The following PIGK variants were observed in gnomAD, a reference collection of about 807,000 sequenced individuals.
PIGK encodes GPI-anchor transamidase.
A neutral mutation model predicts 50.6 loss-of-function variants in PIGK; 42 were observed. That is an observed-to-expected ratio of 0.83 (90% CI 0.65 to 1.07). The LOEUF (loss-of-function observed/expected upper bound fraction) is 1.07, where lower values mean the gene tolerates loss of function less well. Among genes scored for constraint, PIGK ranks in the 50% least tolerant of loss-of-function variants. The pLI is 0.00. For missense variants in PIGK, 448 were observed against 488.7 expected, an observed-to-expected ratio of 0.92 and a Z score of 0.78; for synonymous variants, 151 against 156.0, an observed-to-expected ratio of 0.97 and a Z score of 0.24.
At chr1:77,102,515 G>C (rs1653573348) in intron 10 of PIGK, among the ~76,000 whole-genome samples, 1 of 152,148 alleles carries the variant, frequency 6.6e-6, no homozygotes, top group Admixed American at 6.5e-5. Context: ...TGAAGGTGGA[G>C]GAAAGGGGTC....
chr1:77,211,399 T>C (rs1287829005), intron 1 of PIGK, among the ~76,000 whole-genome samples: 1 of 152,046 alleles, frequency 6.6e-6, no homozygotes, highest in Non-Finnish European at 1.5e-5. Context: ...GGTTGTACTA[T>C]AAAGTTGTAA....
chr1:77,129,082 T>C (rs1654297155), intron 9 of PIGK: 2 of 848,300 alleles, frequency 2.4e-6, no homozygotes, highest in African/African-American at 1.7e-5. Flanking sequence ...TATCTAGCTC[T>C]TTCCCTAAGC....
Position 77,124,957 on chromosome 1 carries a change from T to TG in PIGK, c.987-2599dup, listed in dbSNP as rs148513791. 3.2e-4 allele frequency among the ~76,000 whole-genome samples: 48 copies of TG among 152,336 alleles called. No individual in the cohort carries two copies. The East Asian group carries it at 8.1e-3, about 26-fold the overall frequency. ...GACCACTTGTGCAGTTTGATTCCAG[T>TG]GCCTTGATTCCTGTTAAGGCACCAG... On this transcript the variant is annotated intron_variant, in intron 9 of 10. Coordinates refer to ENST00000370812, the MANE Select transcript of PIGK (RefSeq NM_005482.3).
At chr1:77,177,060 T>C (rs181525152) in intron 3 of PIGK, among the ~76,000 whole-genome samples, 1 of 152,358 alleles carries the variant, frequency 6.6e-6, no homozygotes, top group East Asian at 1.9e-4. Context: ...TTAAACATTT[T>C]ATAAAGGGAT....
intron 3 of PIGK, among the ~76,000 whole-genome samples, chr1:77,177,899 G>C (rs1473930773): frequency 6.6e-6 from 1 of 152,142 alleles, no homozygotes; most frequent in Non-Finnish European, 1.5e-5. Context: ...ACACCCATTT[G>C]GACCCTTAAG....
At chr1:77,136,962 C>T (rs1481624235) in intron 9 of PIGK, among the ~76,000 whole-genome samples, 2 of 152,160 alleles carry the variant, frequency 1.3e-5, no homozygotes, top group Non-Finnish European at 2.9e-5. Context: ...ATCTTTTACT[C>T]TTTCCTGTAT....
rs146044089 is a variant in PIGK at position 77,199,314 on chromosome 1, A to T, written c.239+7326T>A. 3.8e-3 allele frequency among the ~76,000 whole-genome samples: 571 copies of T among 152,238 alleles called. 5 individuals carry two copies. The highest frequency in any genetic ancestry group is 0.013 in the African/African-American group (542 of 41,584). On this transcript the variant is annotated intron_variant, in intron 3 of 10. Coordinates refer to ENST00000370812, the MANE Select transcript of PIGK (RefSeq NM_005482.3). The stretch of plus-strand genomic sequence containing the variant: ...GATCAGCTGCCAATATGTGAATAAA[A>T]TGACAGATTGTTCAGAATACATAAG...
intron 9 of PIGK, among the ~76,000 whole-genome samples, chr1:77,130,130 T>G (rs1017676053): frequency 2.6e-5 from 4 of 151,338 alleles, no homozygotes; most frequent in Admixed American, 2.0e-4. Context: ...TTCTTTGAAA[T>G]AGATGTTACA....
chr1:77,215,147 T>C (rs2100591233), intron 1 of PIGK, among the ~76,000 whole-genome samples: 1 of 152,110 alleles, frequency 6.6e-6, no homozygotes, highest in Middle Eastern at 3.4e-3. Context: ...AGAAAAGCAA[T>C]CCTGAAATAT....
intron 9 of PIGK, among the ~76,000 whole-genome samples, chr1:77,150,385 G>C (rs1439264091): frequency 6.6e-6 from 1 of 151,638 alleles, no homozygotes; most frequent in East Asian, 1.9e-4. Context: ...GCCTGGTGTG[G>C]TGGTGCATGT....
At chr1:77,096,881 CTTTTT>C (rs141858558) in intron 10 of PIGK, among the ~76,000 whole-genome samples, 16,142 of 124,414 alleles carry the variant, frequency 0.13, 1,233 homozygotes, top group African/African-American at 0.24. Context: ...TCGGGTTTTT[CTTTTT>C]TTTTTTTTTT....
intron 3 of PIGK, among the ~76,000 whole-genome samples, chr1:77,180,576 T>C (rs1264216355): frequency 6.6e-6 from 1 of 152,174 alleles, no homozygotes; most frequent in Non-Finnish European, 1.5e-5. Flanking sequence ...CAGGAGGTCC[T>C]ACCAACATGT....
intron 10 of PIGK, among the ~76,000 whole-genome samples, chr1:77,119,614 T>G (rs1654050042): frequency 6.6e-6 from 1 of 152,256 alleles, no homozygotes; most frequent in African/African-American, 2.4e-5. Context: ...ATGGTAGTAG[T>G]GAGAATCCTA....
intron 9 of PIGK, among the ~76,000 whole-genome samples, chr1:77,150,193 C>G (rs980018897): frequency 6.6e-6 from 1 of 151,796 alleles, no homozygotes; most frequent in East Asian, 1.9e-4. Context: ...AAATCAAGAG[C>G]AAAACAAATC....
chr1:77,198,077 A>C lies in PIGK; in HGVS notation c.239+8563T>G, dbSNP rs1365195752. On this transcript the variant is annotated intron_variant, in intron 3 of 10. Coordinates refer to ENST00000370812, the MANE Select transcript of PIGK (RefSeq NM_005482.3). ...AAAAGCTCTGAAGATAGGCTACTGT[A>C]ATTTTGGTAAAGTTATTAGATTATT... Among the ~76,000 whole-genome samples the C allele has an allele frequency of 3.9e-5, 6 of 152,274 alleles. No individual in the cohort carries two copies. In the East Asian group the frequency reaches 1.2e-3, roughly 29 times the overall value.
intron 1 of PIGK, among the ~76,000 whole-genome samples, chr1:77,213,875 AC>A (rs376052481): frequency 3.7e-4 from 56 of 152,202 alleles, no homozygotes; most frequent in Middle Eastern, 3.2e-3. Context: ...TCACTGAAGT[AC>A]AAAGAATCAC....
chr1:77,219,374 G>A lies in PIGK; in HGVS notation c.29C>T (p.Ala10Val), dbSNP rs1226122288. The A allele has an allele frequency of 6.2e-6, 10 of 1,613,766 alleles. No homozygotes were observed. The highest frequency in any genetic ancestry group is 7.6e-6 in the Non-Finnish European group (9 of 1,179,828). The change falls in exon 1 of 11, where the codon GCT (alanine) becomes GTT (valine). Residue 10 changes from alanine to valine, a missense_variant. Transcript: ENST00000370812. MAVTDSLSRAATVLATVLLL... is the reference protein window; with the variant it reads MAVTDSLSRVATVLATVLLL... ...CAACACAGTTGCCAAGACAGTCGCA[G>A]CCCGGCTGAGGCTGTCGGTGACGGC...
chr1:77,100,426 A>G (rs1502528), intron 10 of PIGK, among the ~76,000 whole-genome samples: 1,553 of 152,320 alleles, frequency 0.01, 22 homozygotes, highest in African/African-American at 0.036. Context: ...GTGTAAGTCA[A>G]ACTGTGGTAG....
intron 9 of PIGK, among the ~76,000 whole-genome samples, chr1:77,126,604 C>G (rs1654237961): frequency 6.6e-6 from 1 of 152,160 alleles, no homozygotes; most frequent in Non-Finnish European, 1.5e-5. Context: ...CCACTCTGTC[C>G]TTTGCAAGGT....
Sources: allele counts gnomAD v4.1 joint callset (sites outside exome capture counted in the v4.1 genomes callset), GRCh38; gene constraint gnomAD v4.1.1; transcripts MANE v1.5; gene names NCBI Gene and HGNC (gene_info 2026-07-23, HGNC 2026-07-21).